Variants in NEGR1 observed in about 807,000 individuals in gnomAD.
NEGR1 encodes the protein neuronal growth regulator 1.
A neutral mutation model predicts 40.9 loss-of-function variants in NEGR1; 10 were observed. The observed-to-expected ratio is 0.24, with a 90% CI of 0.15 to 0.42. NEGR1 has a LOEUF of 0.42. Among genes scored for constraint, NEGR1 ranks in the 10% least tolerant of loss-of-function variants. The probability of loss-of-function intolerance (pLI) is 1.00; values close to 1 mark genes in which losing one functional copy is unlikely to be tolerated. For synonymous variants in NEGR1, 185 were observed against 166.8 expected (o/e 1.11, Z -0.84); for missense variants, 352 against 438.9 (o/e 0.80, Z 1.77).
chr1:72,188,372 T>C (rs1455444438), intron 1 of NEGR1, among the ~76,000 whole-genome samples: 1 of 151,514 alleles, frequency 6.6e-6, no homozygotes. Context: ...ATTCTGTGTA[T>C]TTAATACTTT....
chr1:72,017,415 C>G (rs74851137), intron 1 of NEGR1, among the ~76,000 whole-genome samples: 11 of 151,986 alleles, frequency 7.2e-5, no homozygotes, highest in African/African-American at 2.4e-4. Flanking sequence ...TTCTTAAGAG[C>G]AAAGAACAAG....
chr1:71,729,910 T>C (rs1415896710), intron 3 of NEGR1, among the ~76,000 whole-genome samples: 2 of 151,650 alleles, frequency 1.3e-5, no homozygotes, highest in Non-Finnish European at 2.9e-5. Flanking sequence ...ATAGTTTTAA[T>C]GAGAAAAGAA....
At chr1:72,063,160 T>C (rs1278779018) in intron 1 of NEGR1, among the ~76,000 whole-genome samples, 1 of 152,048 alleles carries the variant, frequency 6.6e-6, no homozygotes, top group Admixed American at 6.6e-5. Flanking sequence ...GATCAATTTA[T>C]ATATTTTGAA....
intron 4 of NEGR1, among the ~76,000 whole-genome samples, chr1:71,684,157 C>G (rs991194570): frequency 3.9e-5 from 6 of 151,904 alleles, no homozygotes; most frequent in Non-Finnish European, 8.8e-5. Flanking sequence ...GTAGTCCCAG[C>G]TACTGGGGAG....
chr1:72,051,035 A>G (rs1420909913), intron 1 of NEGR1, among the ~76,000 whole-genome samples: 1 of 151,466 alleles, frequency 6.6e-6, no homozygotes, highest in Non-Finnish European at 1.5e-5. Context: ...CGACCCCACT[A>G]AACTTTCCAC....
chr1:71,939,172 C>T (rs1645937085), intron 1 of NEGR1, among the ~76,000 whole-genome samples: 1 of 152,120 alleles, frequency 6.6e-6, no homozygotes, highest in Admixed American at 6.6e-5. Context: ...TTCCCTGCAA[C>T]TTTTTTCCCC....
chr1:71,688,337 G>GAT lies in NEGR1; in HGVS notation c.667+9669_667+9670dup, dbSNP rs56878693. 4.4e-4 allele frequency among the ~76,000 whole-genome samples: 23 copies of GAT among 52,532 alleles called. 3 individuals are homozygous for GAT. The highest frequency in any genetic ancestry group is 1.3e-3 in the African/African-American group (17 of 13,234). The allele number at this position is 52,532 out of a possible 152,430, so 34.5% of individuals were successfully genotyped here. A position where few individuals can be genotyped will look rare whatever the true frequency, so the allele number is the denominator to read the frequency against. On this transcript the variant is annotated intron_variant, in intron 4 of 6. Coordinates refer to ENST00000357731, the MANE Select transcript of NEGR1 (RefSeq NM_173808.3). ...ATATATATATATATATAGATAGATA[G>GAT]ATAGATAGATAGATAGATTATATAT... is the stretch of plus-strand genomic sequence containing the variant.
At chr1:72,213,428 T>C (rs1452818208) in intron 1 of NEGR1, among the ~76,000 whole-genome samples, 1 of 151,882 alleles carries the variant, frequency 6.6e-6, no homozygotes, top group South Asian at 2.1e-4. Context: ...GTTTAAAAAA[T>C]CTTCAATAAA....
intron 3 of NEGR1, among the ~76,000 whole-genome samples, chr1:71,701,383 T>A (rs1392322845): frequency 6.6e-6 from 1 of 151,978 alleles, no homozygotes; most frequent in African/African-American, 2.4e-5. Flanking sequence ...CTACAAGCAT[T>A]CCCTGACTCA....
At chr1:72,150,084 AG>A (rs1416218762) in intron 1 of NEGR1, among the ~76,000 whole-genome samples, 2 of 152,064 alleles carry the variant, frequency 1.3e-5, no homozygotes, top group African/African-American at 4.8e-5. Flanking sequence ...TAATTTGCCT[AG>A]TAGCAATTCA....
At chr1:72,239,965 C>A (rs1224719772) in intron 1 of NEGR1, among the ~76,000 whole-genome samples, 1 of 151,742 alleles carries the variant, frequency 6.6e-6, no homozygotes, top group African/African-American at 2.4e-5. Flanking sequence ...GAAAAAACTA[C>A]ACAAAACCCC....
At chr1:71,790,831 C>T (rs1657089827) in intron 2 of NEGR1, among the ~76,000 whole-genome samples, 1 of 151,754 alleles carries the variant, frequency 6.6e-6, no homozygotes, top group South Asian at 2.1e-4. Flanking sequence ...CACTACATAC[C>T]TTTGTATATG....
intron 4 of NEGR1, among the ~76,000 whole-genome samples, chr1:71,676,592 G>C (rs753896088): frequency 6.6e-6 from 1 of 152,134 alleles, no homozygotes; most frequent in Non-Finnish European, 1.5e-5. Flanking sequence ...TGGGTGTCTT[G>C]CTTGGTAAAA....
At chr1:71,559,693 G>A (rs1029339841) in intron 6 of NEGR1, among the ~76,000 whole-genome samples, 3 of 151,498 alleles carry the variant, frequency 2.0e-5, no homozygotes, top group Non-Finnish European at 4.4e-5. Flanking sequence ...ACATGTATGT[G>A]AAGTGCCTGC....
chr1:71,850,131 GTCTTTTTT>G (rs1659555350), intron 2 of NEGR1, among the ~76,000 whole-genome samples: 1 of 134,632 alleles, frequency 7.4e-6, no homozygotes, highest in Admixed American at 7.3e-5. Flanking sequence ...ATAATCTACT[GTCTTTTTT>G]TGTTTGTTTG....
intron 1 of NEGR1, among the ~76,000 whole-genome samples, chr1:72,023,130 C>T (rs1257133536): frequency 2.6e-5 from 4 of 152,132 alleles, no homozygotes; most frequent in African/African-American, 9.7e-5. Flanking sequence ...TCACTGTACT[C>T]CGGTGTTCTC....
rs568382523 is a variant in NEGR1, at chr1:71,805,045, C to T, written c.410-28748G>A. ...TGGGGGTGGCTGTCTTTTACAGTCGCAGCTGTAGGGATGAAATAAGCTCCA... is the reference window on the plus strand; with the variant it reads ...TGGGGGTGGCTGTCTTTTACAGTCGTAGCTGTAGGGATGAAATAAGCTCCA... On this transcript the variant is annotated intron_variant, in intron 2 of 6. Transcript: ENST00000357731. Among the ~76,000 whole-genome samples, 54 of 152,264 alleles carry T rather than the reference C, an allele frequency of 3.5e-4. No homozygotes were observed. The East Asian group carries it at 4.1e-3, about 11-fold the overall frequency.
chr1:71,975,971 T>C (rs1336935213), intron 1 of NEGR1, among the ~76,000 whole-genome samples: 1 of 152,188 alleles, frequency 6.6e-6, no homozygotes, highest in Non-Finnish European at 1.5e-5. Context: ...GTGCAGAGCT[T>C]TAGACTGTGT....
intron 1 of NEGR1, among the ~76,000 whole-genome samples, chr1:72,134,831 G>T (rs1650391362): frequency 6.6e-6 from 1 of 151,188 alleles, no homozygotes; most frequent in African/African-American, 2.4e-5. Flanking sequence ...TCCGCCTCCT[G>T]GGTTCAAGCG....
Sources: gnomAD v4.1 joint callset for allele counts (sites outside exome capture counted in the v4.1 genomes callset) on GRCh38, gnomAD v4.1.1 for gene constraint, MANE v1.5 for transcripts, NCBI Gene and HGNC (gene_info 2026-07-23, HGNC 2026-07-21) for gene names.